The following PPFIA2 variants were observed in gnomAD, a reference collection of about 807,000 sequenced individuals.
PPFIA2 encodes the protein liprin-alpha-2.
In PPFIA2, 46 loss-of-function variants were observed where a neutral mutation model predicts 175.5. The ratio of observed to expected loss-of-function variants is 0.26; its 90% confidence interval spans 0.21 to 0.34. PPFIA2 has a LOEUF of 0.34. Among genes scored for constraint, PPFIA2 ranks in the 10% least tolerant of loss-of-function variants. The probability of loss-of-function intolerance (pLI) is 1.00; values close to 1 mark genes in which losing one functional copy is unlikely to be tolerated. For missense variants in PPFIA2, 1,179 were observed against 1,506.1 expected (o/e 0.78, Z 3.60); for synonymous variants, 568 against 511.4 (o/e 1.11, Z -1.49).
chr12:81,650,661 G>A (rs960376340), intron 4 of PPFIA2, among the ~76,000 whole-genome samples: 1 of 152,166 alleles, frequency 6.6e-6, no homozygotes, highest in Non-Finnish European at 1.5e-5. Context: ...ACGGGTTGAA[G>A]TTTAGAAACC....
intron 4 of PPFIA2, among the ~76,000 whole-genome samples, chr12:81,581,300 C>A (rs542802856): frequency 6.6e-6 from 1 of 151,708 alleles, no homozygotes; most frequent in Admixed American, 6.6e-5. Flanking sequence ...CATGATTAAA[C>A]GAGGTCCAGA....
chr12:81,414,457 ATTAACTAC>A (rs2044576548), intron 7 of PPFIA2, among the ~76,000 whole-genome samples: 1 of 151,744 alleles, frequency 6.6e-6, no homozygotes, highest in South Asian at 2.1e-4. Flanking sequence ...CTGAAAAAAA[ATTAACTAC>A]TTTTTAAAAT....
intron 22 of PPFIA2, among the ~76,000 whole-genome samples, chr12:81,314,026 TA>T (rs2051671411): frequency 6.6e-6 from 1 of 151,960 alleles, no homozygotes; most frequent in Non-Finnish European, 1.5e-5. Context: ...TCAATTCGTA[TA>T]AATTATCTGA....
At position 81,275,417 on chromosome 12, in the gene PPFIA2, C is replaced by G. The variant is rs1030988694; in HGVS notation, c.3310+1900G>C. On this transcript the variant is annotated intron_variant, in intron 28 of 32. Coordinates refer to ENST00000549396, the MANE Select transcript of PPFIA2 (RefSeq NM_003625.5). ...TGCATTCAAGCCCGTTCCATTAGAA[C>G]TAATGTACTTTCCAAGACCTGACAA... Among the ~76,000 whole-genome samples the G allele has an allele frequency of 2.6e-5, 4 of 152,288 alleles. No homozygotes were observed. The East Asian group carries it at 7.7e-4, about 29-fold the overall frequency.
At chr12:81,732,101 G>C (rs1168673122) in intron 3 of PPFIA2, among the ~76,000 whole-genome samples, 1 of 151,410 alleles carries the variant, frequency 6.6e-6, no homozygotes, top group Non-Finnish European at 1.5e-5. Context: ...TATGTGTAAG[G>C]GCTCAGAAAA....
intron 4 of PPFIA2, among the ~76,000 whole-genome samples, chr12:81,587,914 T>C (rs1041243740): frequency 3.3e-5 from 5 of 151,998 alleles, no homozygotes; most frequent in Non-Finnish European, 7.4e-5. Flanking sequence ...TAGTCTAAAA[T>C]TTAAATATGA....
chr12:81,368,081 T>C, intron 13 of PPFIA2: 2 of 1,278,366 alleles, frequency 1.6e-6, no homozygotes, highest in Non-Finnish European at 2.0e-6. Context: ...AATGATGTGA[T>C]CATCCGGGTT....
At position 81,721,949 on chromosome 12, in the gene PPFIA2, CTAT is replaced by C. The variant is rs765376420; in HGVS notation, c.249+32021_249+32023del. On this transcript the variant is annotated intron_variant, in intron 3 of 32. Transcript: ENST00000549396. ...TATTATAAGCACATAATAGATATTA[CTAT>C]TATTATTATTTAAAACAATGTGCTG... Among the ~76,000 whole-genome samples, 238 of 150,970 alleles carry C rather than the reference CTAT, an allele frequency of 1.6e-3. 3 individuals carry two copies. The Middle Eastern group carries it at 0.037, about 24-fold the overall frequency.
intron 3 of PPFIA2, among the ~76,000 whole-genome samples, chr12:81,742,008 AC>A (rs1055935671): frequency 6.6e-6 from 1 of 152,176 alleles, no homozygotes; most frequent in Non-Finnish European, 1.5e-5. Flanking sequence ...TTAGGGGACA[AC>A]TTTTCCAAGC....
intron 17 of PPFIA2, 69 bp from the exon 18 acceptor site, chr12:81,347,839 A>G (rs2059326097): frequency 6.5e-7 from 1 of 1,548,554 alleles, no homozygotes. Context: ...TGCTGTAAGG[A>G]TCATTGGAAT....
intron 8 of PPFIA2, among the ~76,000 whole-genome samples, chr12:81,385,995 G>A (rs1047665999): frequency 6.6e-6 from 1 of 151,890 alleles, no homozygotes; most frequent in East Asian, 1.9e-4. Flanking sequence ...AAAGTAAAAG[G>A]CCTGGTGTTG....
chr12:81,545,261 T>C (rs1356339202), intron 4 of PPFIA2: 1 of 152,192 alleles, frequency 6.6e-6, no homozygotes, highest in Non-Finnish European at 1.5e-5. Context: ...GCACTTTCTT[T>C]AAATATAAAG....
At chr12:81,381,697 A>G (rs1026264310) in intron 9 of PPFIA2, among the ~76,000 whole-genome samples, 5 of 152,162 alleles carry the variant, frequency 3.3e-5, no homozygotes, top group Non-Finnish European at 7.4e-5. Flanking sequence ...TGAAGAGAAG[A>G]GATGCATCCA....
At chr12:81,352,175 T>G (rs1177547610) in intron 17 of PPFIA2, among the ~76,000 whole-genome samples, 1 of 151,844 alleles carries the variant, frequency 6.6e-6, no homozygotes, top group Non-Finnish European at 1.5e-5. Context: ...GAGGAGGTAA[T>G]TGAGGTTACA....
chr12:81,691,214 C>T (rs1310398392), intron 3 of PPFIA2, among the ~76,000 whole-genome samples: 1 of 152,086 alleles, frequency 6.6e-6, no homozygotes, highest in Non-Finnish European at 1.5e-5. Flanking sequence ...CTTGACCAGC[C>T]CAGGCAGGAG....
intron 7 of PPFIA2, among the ~76,000 whole-genome samples, chr12:81,414,660 T>G (rs1206789887): frequency 6.6e-6 from 1 of 151,634 alleles, no homozygotes; most frequent in Non-Finnish European, 1.5e-5. Context: ...TGACACTTAT[T>G]GAAGTCTCAC....
chr12:81,724,922 T>C (rs904920247), intron 3 of PPFIA2, among the ~76,000 whole-genome samples: 1 of 151,102 alleles, frequency 6.6e-6, no homozygotes, highest in Admixed American at 6.6e-5. Context: ...CCTACAGAAA[T>C]TGTACTAATT....
chr12:81,654,893 A>C (rs576484334), intron 4 of PPFIA2, among the ~76,000 whole-genome samples: 1 of 152,256 alleles, frequency 6.6e-6, no homozygotes, highest in Admixed American at 6.5e-5. Context: ...AGGTGGTATA[A>C]TTCCTTCCTT....
At chr12:81,407,767 A>G (rs1445996501) in intron 7 of PPFIA2, among the ~76,000 whole-genome samples, 1 of 152,150 alleles carries the variant, frequency 6.6e-6, no homozygotes, top group African/African-American at 2.4e-5. Context: ...CTTTAAAAAC[A>G]GTTGAGATAC....
Sources: allele counts gnomAD v4.1 joint callset (sites outside exome capture counted in the v4.1 genomes callset), GRCh38; gene constraint gnomAD v4.1.1; transcripts MANE v1.5; gene names NCBI Gene and HGNC (gene_info 2026-07-23, HGNC 2026-07-21).